SRRM1: variants seen among roughly 807,000 people sequenced by gnomAD.
SRRM1 encodes serine/arginine repetitive matrix protein 1.
In SRRM1, 19 loss-of-function variants were observed where a neutral mutation model predicts 110.2. The observed-to-expected ratio is 0.17, with a 90% CI of 0.12 to 0.25. The LOEUF (loss-of-function observed/expected upper bound fraction) is 0.25, where lower values mean the gene tolerates loss of function less well. Ranked by LOEUF, SRRM1 falls within the 10% of genes least tolerant of loss-of-function variation. SRRM1 has a pLI of 1.00. For synonymous variants in SRRM1, 443 were observed against 414.9 expected, an observed-to-expected ratio of 1.07 and a Z score of -0.82; for missense variants, 918 against 1,145.8, an observed-to-expected ratio of 0.80 and a Z score of 2.87.
In SRRM1 at chr1:24,672,646, T is replaced by C. The variant is rs776918795; in HGVS notation, c.*360T>C. On this transcript the variant is annotated 3_prime_UTR_variant, in exon 17 of 17. Transcript: ENST00000323848. ...TGTTTTTTTGGTTTTGATTTTCTTT[T>C]TGTTTTTCTTTCTTCTTCTTATTTT... 1.1e-4 allele frequency: 17 copies of C among 157,148 alleles called. No homozygotes were observed. The highest frequency in any genetic ancestry group is 1.4e-4 in the Non-Finnish European group (10 of 71,166). The allele number at this position is 157,148 out of a possible 1,614,324, so 9.7% of individuals were successfully genotyped here. A position where few individuals can be genotyped will look rare whatever the true frequency, so the allele number is the denominator to read the frequency against.
At chr1:24,666,779 A>T in intron 12 of SRRM1, 36 bp from the exon 13 acceptor site, 2 of 1,580,110 alleles carry the variant, frequency 1.3e-6, no homozygotes, top group Non-Finnish European at 1.7e-6. Flanking sequence ...ACACAAAAAA[A>T]AGAAAAAAAA....
chr1:24,662,079 CAG>C (rs1475539448), intron 11 of SRRM1, among the ~76,000 whole-genome samples: 1 of 152,094 alleles, frequency 6.6e-6, no homozygotes, highest in African/African-American at 2.4e-5. Context: ...GCCTGGGCAA[CAG>C]AGCAAGGCTT....
chr1:24,668,852 A>G (rs1671343941), intron 13 of SRRM1, among the ~76,000 whole-genome samples: 2 of 152,226 alleles, frequency 1.3e-5, no homozygotes. Flanking sequence ...TGACAAATTC[A>G]CATCTTCTGA....
At chr1:24,666,267 G>A (rs1669937197) in intron 12 of SRRM1, among the ~76,000 whole-genome samples, 2 of 152,060 alleles carry the variant, frequency 1.3e-5, no homozygotes, top group Non-Finnish European at 2.9e-5. Context: ...TTCACAAAAC[G>A]GTACTTACCC....
At position 24,672,068 on chromosome 1, in the gene SRRM1, C is replaced by G. The variant is rs1673061678; in HGVS notation, c.2611-114C>G. ...GTATATCCCTCCCTGCTCCCCCTAC[C>G]CCACAACAGTCCCCGGTGTGTGATG... On this transcript the variant is annotated intron_variant, in intron 16 of 16. Coordinates refer to ENST00000323848, the MANE Select transcript of SRRM1 (RefSeq NM_005839.4). The G allele has an allele frequency of 1.6e-5, 12 of 765,522 alleles. No individual in the cohort carries two copies. In the South Asian group the frequency reaches 2.1e-4, roughly 13 times the overall value. 47.4% of individuals were successfully genotyped at this position (765,522 alleles called of 1,614,324 possible).
chr1:24,651,671 A>G, intron 6 of SRRM1, 59 bp downstream of exon 6: 2 of 1,244,704 alleles, frequency 1.6e-6, no homozygotes, highest in Non-Finnish European at 2.3e-6. Flanking sequence ...AGTGACTGCA[A>G]ATATGACATC....
At chr1:24,671,352 A>G in intron 15 of SRRM1, 34 bp from the exon 16 acceptor site, 1 of 1,544,220 alleles carries the variant, frequency 6.5e-7, no homozygotes, top group Non-Finnish European at 8.8e-7. Flanking sequence ...CAGATTGATT[A>G]TAAATGCTGG....
chr1:24,661,529 T>C, intron 11 of SRRM1, 133 bp downstream of exon 11: 1 of 610,318 alleles, frequency 1.6e-6, no homozygotes, highest in Non-Finnish European at 2.7e-6. Flanking sequence ...GCAGGATTGT[T>C]TCTTTTTTTG....
intron 12 of SRRM1, among the ~76,000 whole-genome samples, chr1:24,665,493 C>T (rs1173233105): frequency 6.6e-6 from 1 of 150,464 alleles, no homozygotes; most frequent in Non-Finnish European, 1.5e-5. Flanking sequence ...GCGGGTGGTT[C>T]ACGAGGTCAG....
At chr1:24,661,646 C>T (rs996813446) in intron 11 of SRRM1, among the ~76,000 whole-genome samples, 7 of 152,208 alleles carry the variant, frequency 4.6e-5, no homozygotes, top group African/African-American at 9.6e-5. Context: ...AAATTGGAAA[C>T]GTATCATTCT....
intron 9 of SRRM1, 36 bp downstream of exon 9, chr1:24,655,165 T>C (rs1663296645): frequency 6.2e-7 from 1 of 1,606,620 alleles, no homozygotes; most frequent in African/African-American, 1.3e-5. Flanking sequence ...TGGTCTCTCT[T>C]TCTTTGGCTA....
chr1:24,646,141 T>C (rs1341675945), intron 2 of SRRM1, 68 bp downstream of exon 2: 17 of 1,211,374 alleles, frequency 1.4e-5, no homozygotes, highest in Non-Finnish European at 2.1e-5. Flanking sequence ...TCTGGGGTTG[T>C]TTTGGAGATG....
chr1:24,666,727 TG>T, intron 12 of SRRM1, 87 bp from the exon 13 acceptor site: 1 of 1,011,824 alleles, frequency 9.9e-7, no homozygotes, highest in Non-Finnish European at 1.5e-6. Flanking sequence ...ATCATGCCAT[TG>T]CACTCCAGCC....
At chr1:24,666,785 A>G (rs1434319640) in intron 12 of SRRM1, 30 bp from the exon 13 acceptor site, 3 of 1,592,514 alleles carry the variant, frequency 1.9e-6, no homozygotes, top group Admixed American at 3.4e-5. Flanking sequence ...AAAAAAGAAA[A>G]AAAATTAACT....
At chr1:24,665,344 G>A (rs554067557) in intron 12 of SRRM1, among the ~76,000 whole-genome samples, 9 of 151,996 alleles carry the variant, frequency 5.9e-5, no homozygotes, top group African/African-American at 1.7e-4. Flanking sequence ...CAGGAGAATC[G>A]TTTGAATCCG....
At position 24,672,325 on chromosome 1, in the gene SRRM1, G is replaced by C; in HGVS notation, c.*39G>C. 1.5e-5 allele frequency: 21 copies of C among 1,439,562 alleles called. No homozygotes were observed. Among genetic ancestry groups the C allele is most frequent in the Non-Finnish European group, 2.0e-5 (21 of 1,051,120 alleles). 89.2% of individuals were successfully genotyped at this position (1,439,562 alleles called of 1,614,324 possible). Reference sequence around the variant, plus strand: ...TTATGATGTAAATTTTATTTGGTTTGTACGCAGTTCAATTTCAAAATTGCT... The same window carrying C: ...TTATGATGTAAATTTTATTTGGTTTCTACGCAGTTCAATTTCAAAATTGCT... On this transcript the variant is annotated 3_prime_UTR_variant, in exon 17 of 17. Transcript: ENST00000323848.
At chr1:24,643,848 T>G (rs1655478657) in intron 1 of SRRM1, 1 of 153,090 alleles carries the variant, frequency 6.5e-6, no homozygotes, top group Non-Finnish European at 1.5e-5. Context: ...AAAAGCGCCC[T>G]CCCCGCCCCC....
chr1:24,644,280 A>G (rs1475541535), intron 1 of SRRM1, among the ~76,000 whole-genome samples: 1 of 152,136 alleles, frequency 6.6e-6, no homozygotes, highest in East Asian at 1.9e-4. Context: ...GGAAATTAGT[A>G]CTAGATCAAG....
chr1:24,669,762 T>A, intron 14 of SRRM1, 175 bp downstream of exon 14: 1 of 635,516 alleles, frequency 1.6e-6, no homozygotes, highest in Non-Finnish European at 2.7e-6. Context: ...GTGGTATAAG[T>A]TAAATGCCAC....
Sources: gnomAD v4.1 joint callset for allele counts (sites outside exome capture counted in the v4.1 genomes callset) on GRCh38, gnomAD v4.1.1 for gene constraint, MANE v1.5 for transcripts, NCBI Gene and HGNC (gene_info 2026-07-23, HGNC 2026-07-21) for gene names.